The following GABRG3 variants were observed in gnomAD, a reference collection of about 807,000 sequenced individuals.
GABRG3 encodes gamma-aminobutyric acid type A receptor subunit gamma3, also known as gamma-aminobutyric acid receptor subunit gamma-3.
Under a neutral mutation model 48.8 loss-of-function variants are expected in GABRG3, and 25 were observed. The ratio of observed to expected loss-of-function variants is 0.51; its 90% CI spans 0.37 to 0.72. The LOEUF (loss-of-function observed/expected upper bound fraction) is 0.72. Among genes scored for constraint, GABRG3 ranks in the 30% least tolerant of loss-of-function variants. GABRG3 has a pLI of 0.00. For synonymous variants in GABRG3, 227 were observed against 217.6 expected (o/e 1.04, Z -0.38); for missense variants, 394 against 577.9 (o/e 0.68, Z 3.26).
intron 2 of GABRG3, among the ~76,000 whole-genome samples, chr15:26,999,576 G>A (rs1476198049): frequency 6.6e-6 from 1 of 151,994 alleles, no homozygotes; most frequent in Non-Finnish European, 1.5e-5. Flanking sequence ...TGTGCCTTAG[G>A]GTAGTATTCT....
At chr15:27,003,637 T>A (rs1020555725) in intron 2 of GABRG3, among the ~76,000 whole-genome samples, 2 of 150,722 alleles carry the variant, frequency 1.3e-5, no homozygotes, top group Non-Finnish European at 1.5e-5. Context: ...TACACAGACA[T>A]GGCAACCATC....
chr15:27,388,367 AGAAAG>A, intron 5 of GABRG3, among the ~76,000 whole-genome samples: 1 of 67,016 alleles, frequency 1.5e-5, no homozygotes, highest in East Asian at 7.1e-4. Flanking sequence ...GAAGGAAGGA[AGAAAG>A]GAAGGAAGGA....
intron 6 of GABRG3, among the ~76,000 whole-genome samples, chr15:27,503,939 TGTG>T (rs1188613868): frequency 6.6e-6 from 1 of 152,200 alleles, no homozygotes; most frequent in Non-Finnish European, 1.5e-5. Context: ...CTTTATCTGT[TGTG>T]GTGTTCTTTG....
At chr15:27,400,308 A>C (rs1368374977) in intron 5 of GABRG3, among the ~76,000 whole-genome samples, 1 of 152,212 alleles carries the variant, frequency 6.6e-6, no homozygotes, top group Non-Finnish European at 1.5e-5. Flanking sequence ...TTTACAATTT[A>C]AGATTTTTTT....
intron 5 of GABRG3, among the ~76,000 whole-genome samples, chr15:27,463,008 A>C (rs1358017045): frequency 6.6e-6 from 1 of 152,168 alleles, no homozygotes; most frequent in East Asian, 1.9e-4. Context: ...AAGCACCACA[A>C]GTTTTGTAAA....
chr15:27,084,299 C>T (rs1307273791), intron 3 of GABRG3, among the ~76,000 whole-genome samples: 1 of 152,180 alleles, frequency 6.6e-6, no homozygotes, highest in Non-Finnish European at 1.5e-5. Context: ...GCCTCTTTTT[C>T]ATTTTTGCTT....
chr15:27,251,672 TG>T (rs1412209881), intron 3 of GABRG3, among the ~76,000 whole-genome samples: 1 of 152,158 alleles, frequency 6.6e-6, no homozygotes, highest in Non-Finnish European at 1.5e-5. Context: ...TGCAAGCATT[TG>T]GGTGAGGTTT....
intron 3 of GABRG3, among the ~76,000 whole-genome samples, chr15:27,289,268 T>C (rs1451313656): frequency 6.9e-6 from 1 of 145,668 alleles, no homozygotes; most frequent in African/African-American, 2.9e-5. Context: ...TCTATGCCTC[T>C]ACTCTTTTTT....
chr15:27,015,438 G>A lies in GABRG3; in HGVS notation c.203-11316G>A, dbSNP rs567292846. Among the ~76,000 whole-genome samples the A allele has an allele frequency of 6.5e-3, 938 of 144,804 alleles. 7 individuals are homozygous for A. The highest frequency in any genetic ancestry group is 0.022 in the Middle Eastern group (6 of 278). 95.0% of individuals were successfully genotyped at this position (144,804 alleles called of 152,430 possible). A position where few individuals can be genotyped will look rare whatever the true frequency, so the allele number is the denominator to read the frequency against. Reference sequence around the variant, plus strand: ...CTCGCTCTGTCACCCAGGCTGGAGTGCAGTGGCGCAATCTCGGCTCACTGC... The same window carrying A: ...CTCGCTCTGTCACCCAGGCTGGAGTACAGTGGCGCAATCTCGGCTCACTGC... On this transcript the variant is annotated intron_variant, in intron 2 of 9. Coordinates refer to ENST00000615808, the MANE Select transcript of GABRG3 (RefSeq NM_033223.5).
At chr15:27,268,816 C>A (rs1390321886) in intron 3 of GABRG3, among the ~76,000 whole-genome samples, 2 of 152,162 alleles carry the variant, frequency 1.3e-5, no homozygotes, top group African/African-American at 2.4e-5. Context: ...CTCTCAGCTT[C>A]ATTTCTTCAC....
chr15:27,282,933 G>C (rs1891485776), intron 3 of GABRG3, among the ~76,000 whole-genome samples: 1 of 152,276 alleles, frequency 6.6e-6, no homozygotes. Context: ...CCTAACAGAA[G>C]GTGGTGGAGA....
chr15:27,203,181 T>C (rs1888743781), intron 3 of GABRG3, among the ~76,000 whole-genome samples: 2 of 152,120 alleles, frequency 1.3e-5, no homozygotes, highest in Non-Finnish European at 2.9e-5. Context: ...AGGTAGTTTT[T>C]CAATTCTCAC....
At chr15:27,378,877 G>T (rs1213425574) in intron 5 of GABRG3, among the ~76,000 whole-genome samples, 1 of 152,200 alleles carries the variant, frequency 6.6e-6, no homozygotes, top group Non-Finnish European at 1.5e-5. Context: ...GGGATTAAAA[G>T]AAAGGGAACT....
chr15:27,180,667 A>G lies in GABRG3; in HGVS notation c.271-146142A>G, dbSNP rs1887901333. ...TCTGTCTGTGTGTGTTTGTGTGTGC[A>G]CGCGCGCGCACCCCAGGTCAGTTCT... On this transcript the variant is annotated intron_variant, in intron 3 of 9. Coordinates refer to ENST00000615808, the MANE Select transcript of GABRG3 (RefSeq NM_033223.5). The surrounding 1 kb of genome is among the most constrained non-coding windows in gnomAD (Gnocchi z 4.2). 6.6e-6 allele frequency among the ~76,000 whole-genome samples: 1 copy of G among 151,854 alleles called. No homozygotes were observed.
chr15:27,205,201 A>T lies in GABRG3; in HGVS notation c.271-121608A>T, dbSNP rs113688096. ...GATTTTGGCTGTGGATTTGTCATAG[A>T]TGGCTGTTATTATTTTGAGATATGT... On this transcript the variant is annotated intron_variant, in intron 3 of 9. Transcript: ENST00000615808. Among the ~76,000 whole-genome samples the T allele has an allele frequency of 7.0e-4, 107 of 152,188 alleles. 1 individual carries two copies. Among genetic ancestry groups the T allele is most frequent in the African/African-American group, 2.4e-3 (101 of 41,542 alleles).
At chr15:27,001,977 A>G (rs1319604844) in intron 2 of GABRG3, among the ~76,000 whole-genome samples, 1 of 150,778 alleles carries the variant, frequency 6.6e-6, no homozygotes. Context: ...ATATAGTGTG[A>G]TAACTACTGT....
chr15:27,035,278 A>G (rs917896381), intron 3 of GABRG3, among the ~76,000 whole-genome samples: 2 of 152,218 alleles, frequency 1.3e-5, no homozygotes, highest in African/African-American at 4.8e-5. Flanking sequence ...GCCACCTGGT[A>G]GGATGGGGTG....
intron 3 of GABRG3, among the ~76,000 whole-genome samples, chr15:27,046,826 G>C (rs546535339): frequency 6.6e-6 from 1 of 152,310 alleles, no homozygotes; most frequent in East Asian, 1.9e-4. Flanking sequence ...TTCTTTTGGA[G>C]GTAGAATATA....
At chr15:27,395,465 GCTAA>G (rs1330904426) in intron 5 of GABRG3, among the ~76,000 whole-genome samples, 2 of 152,148 alleles carry the variant, frequency 1.3e-5, no homozygotes, top group Non-Finnish European at 2.9e-5. Flanking sequence ...AATCTTGAAA[GCTAA>G]CACTACCTAA....
Sources: allele counts gnomAD v4.1 joint callset (sites outside exome capture counted in the v4.1 genomes callset), GRCh38; gene constraint gnomAD v4.1.1; non-coding constraint Gnocchi (gnomAD v3.1); transcripts MANE v1.5; gene names NCBI Gene and HGNC (gene_info 2026-07-23, HGNC 2026-07-21).